Variants in AFG1L observed in about 807,000 individuals in gnomAD.
AFG1L encodes the protein AFG1 like ATPase.
Under a neutral mutation model 62.2 loss-of-function variants are expected in AFG1L, and 53 were observed. The observed-to-expected ratio is 0.85, with a 90% CI of 0.68 to 1.07. AFG1L has a LOEUF of 1.07. Ranked by LOEUF, AFG1L falls within the 50% of genes least tolerant of loss-of-function variation. The probability of loss-of-function intolerance (pLI) is 0.00; values close to 1 mark genes in which losing one functional copy is unlikely to be tolerated. For synonymous variants in AFG1L, 228 were observed against 210.3 expected (o/e 1.08, Z -0.73); for missense variants, 555 against 590.5 (o/e 0.94, Z 0.62).
In AFG1L at chr6:108,366,270, T is replaced by G; in HGVS notation, c.686T>G (p.Leu229Arg). ...DIADAMILKQ[L>R]FENLFKNGVV... ...GCTGATGCCATGATTCTGAAACAGC[T>G]TTTTGAAAATCTGTTCAAAAACGGG... The change falls in exon 6 of 13, where the codon CTT (leucine) becomes CGT (arginine). Residue 229 changes from leucine (L) to arginine (R), a missense_variant. By Grantham distance (102) the Leu-to-Arg change is moderately radical. Coordinates refer to ENST00000368977, the MANE Select transcript of AFG1L (RefSeq NM_145315.5). The G allele has an allele frequency of 6.2e-7, 1 of 1,611,422 alleles. No homozygotes were observed. Among genetic ancestry groups the G allele is most frequent in the Non-Finnish European group, 8.5e-7 (1 of 1,178,090 alleles).
Position 108,477,196 on chromosome 6 carries a change from T to C in AFG1L, c.966T>C (p.Thr322=). Residue 322 remains threonine (T), a synonymous_variant, in exon 10 of 13, where the codon ACT becomes ACC. Coordinates refer to ENST00000368977, the MANE Select transcript of AFG1L (RefSeq NM_145315.5). The part of the protein sequence containing the change: ...DELAQKQNDL[T]RPRILKVQGR... ...TCTTTGTTCATGTTCCCATAGTAAC[T>C]AGACCAAGGATTCTAAAAGTGCAAG... The C allele has an allele frequency of 6.3e-7, 1 of 1,589,780 alleles. No individual in the cohort carries two copies. Among genetic ancestry groups the C allele is most frequent in the South Asian group, 1.1e-5 (1 of 88,390 alleles).
At chr6:108,415,737 G>T (rs529053129) in intron 7 of AFG1L, among the ~76,000 whole-genome samples, 2 of 152,142 alleles carry the variant, frequency 1.3e-5, no homozygotes, top group African/African-American at 4.8e-5. Flanking sequence ...GCTGAAACTG[G>T]ATCCCTTCCT....
At chr6:108,458,735 C>A (rs1772345425) in intron 8 of AFG1L, among the ~76,000 whole-genome samples, 1 of 152,082 alleles carries the variant, frequency 6.6e-6, no homozygotes, top group South Asian at 2.1e-4. Flanking sequence ...TCATCTATGT[C>A]ATTTCTGGGT....
chr6:108,449,620 CT>C (rs1182792178), intron 8 of AFG1L, among the ~76,000 whole-genome samples: 1 of 151,838 alleles, frequency 6.6e-6, no homozygotes, highest in Non-Finnish European at 1.5e-5. Flanking sequence ...TATTATTATA[CT>C]TTAACTTTTA....
intron 12 of AFG1L, chr6:108,522,064 G>T: frequency 3.2e-6 from 1 of 312,662 alleles, no homozygotes; most frequent in Non-Finnish European, 6.1e-6. Flanking sequence ...CACTTTTGGA[G>T]AAAGTTTTCC....
At chr6:108,465,942 T>TG (rs1772649269) in intron 8 of AFG1L, among the ~76,000 whole-genome samples, 1 of 152,156 alleles carries the variant, frequency 6.6e-6, no homozygotes, top group African/African-American at 2.4e-5. Flanking sequence ...CTCAAACTCC[T>TG]GGGCTCAAGT....
chr6:108,432,700 C>T (rs1297925514), intron 7 of AFG1L, among the ~76,000 whole-genome samples: 2 of 152,174 alleles, frequency 1.3e-5, no homozygotes, highest in Admixed American at 6.6e-5. Flanking sequence ...GAGATGGGGC[C>T]TGATTAGGCT....
chr6:108,330,418 C>T (rs1456544986), intron 2 of AFG1L, among the ~76,000 whole-genome samples: 1 of 152,094 alleles, frequency 6.6e-6, no homozygotes, highest in Non-Finnish European at 1.5e-5. Context: ...TCGTGCTCTG[C>T]CTGCCTGGGC....
chr6:108,366,189 G>T, intron 5 of AFG1L, 44 bp from the exon 6 acceptor site: 2 of 1,235,110 alleles, frequency 1.6e-6, no homozygotes, highest in African/African-American at 1.5e-5. Flanking sequence ...ATTTGTTACA[G>T]CAGAAGTGAA....
At chr6:108,478,238 C>T (rs1773196131) in intron 10 of AFG1L, among the ~76,000 whole-genome samples, 1 of 152,114 alleles carries the variant, frequency 6.6e-6, no homozygotes, top group Non-Finnish European at 1.5e-5. Context: ...GAGATTGAGA[C>T]CATCCTAGCT....
In AFG1L at chr6:108,519,977, A is replaced by G; in HGVS notation, c.1317+167A>G. 6.6e-6 allele frequency: 3 copies of G among 452,974 alleles called. No individual in the cohort carries two copies. In the South Asian group the frequency reaches 8.8e-5, roughly 13 times the overall value. The allele number at this position is 452,974 out of a possible 1,614,324, so 28.1% of individuals were successfully genotyped here. ...TTTATCATTCTCAATATCACTGAAT[A>G]TAGAAAATTATAAACTTACAGTGGA... On this transcript the variant is annotated intron_variant, in intron 12 of 12. Transcript: ENST00000368977.
At chr6:108,484,672 T>C (rs1773452507) in intron 10 of AFG1L, among the ~76,000 whole-genome samples, 1 of 152,238 alleles carries the variant, frequency 6.6e-6, no homozygotes, top group South Asian at 2.1e-4. Context: ...AGACCTAGCC[T>C]ATTTCACGAG....
chr6:108,415,501 C>T lies in AFG1L; in HGVS notation c.807+13447C>T, dbSNP rs183095992. Among the ~76,000 whole-genome samples, 248 of 152,282 alleles carry T rather than the reference C, an allele frequency of 1.6e-3. 1 individual carries two copies. Among genetic ancestry groups the T allele is most frequent in the Non-Finnish European group, 2.5e-3 (168 of 68,020 alleles). On this transcript the variant is annotated intron_variant, in intron 7 of 12. Coordinates refer to ENST00000368977, the MANE Select transcript of AFG1L (RefSeq NM_145315.5). Reference sequence around the variant, plus strand: ...CAAAAGAACAAAGCTGGAGGCATCACGCTACCTGACTTCAAACTATACTAC... The same window carrying T: ...CAAAAGAACAAAGCTGGAGGCATCATGCTACCTGACTTCAAACTATACTAC...
At chr6:108,346,446 G>A (rs1027031931) in intron 2 of AFG1L, among the ~76,000 whole-genome samples, 1 of 151,798 alleles carries the variant, frequency 6.6e-6, no homozygotes, top group South Asian at 2.1e-4. Flanking sequence ...GCTCACTGTA[G>A]CCTTGACCTC....
At chr6:108,306,267 T>C (rs1280312223) in intron 1 of AFG1L, among the ~76,000 whole-genome samples, 1 of 152,206 alleles carries the variant, frequency 6.6e-6, no homozygotes, top group African/African-American at 2.4e-5. Flanking sequence ...GGCCATATAG[T>C]CAAACAATGT....
At chr6:108,437,466 G>A (rs1034121268) in intron 7 of AFG1L, among the ~76,000 whole-genome samples, 2 of 152,066 alleles carry the variant, frequency 1.3e-5, no homozygotes, top group Non-Finnish European at 2.9e-5. Flanking sequence ...GGATTAAGAG[G>A]CAGTCCCACT....
intron 8 of AFG1L, among the ~76,000 whole-genome samples, chr6:108,459,105 TGC>T (rs1772360439): frequency 6.6e-6 from 1 of 152,130 alleles, no homozygotes; most frequent in Non-Finnish European, 1.5e-5. Context: ...CCAGGGGTAA[TGC>T]TTTGTGATTC....
At chr6:108,343,539 C>G (rs1778760024) in intron 2 of AFG1L, among the ~76,000 whole-genome samples, 1 of 152,174 alleles carries the variant, frequency 6.6e-6, no homozygotes, top group Non-Finnish European at 1.5e-5. Context: ...ATGACACTCT[C>G]AGTTACCTAA....
intron 8 of AFG1L, among the ~76,000 whole-genome samples, chr6:108,462,089 C>CTT: frequency 6.7e-6 from 1 of 148,582 alleles, no homozygotes; most frequent in Middle Eastern, 3.7e-3. Flanking sequence ...AGCAAGACTC[C>CTT]GTCTCAAAAA....
Sources: gnomAD v4.1 joint callset for allele counts (sites outside exome capture counted in the v4.1 genomes callset) on GRCh38, gnomAD v4.1.1 for gene constraint, MANE v1.5 for transcripts, NCBI Gene and HGNC (gene_info 2026-07-23, HGNC 2026-07-21) for gene names.